Variants in LAMA2 observed in about 807,000 individuals in gnomAD.
The protein encoded by LAMA2 is laminin subunit alpha 2, also known as laminin subunit alpha-2.
A neutral mutation model predicts 364.8 loss-of-function variants in LAMA2; 269 were observed. The ratio of observed to expected loss-of-function variants is 0.74; its 90% CI spans 0.67 to 0.82. LAMA2 has a LOEUF of 0.82. LAMA2 is among the 40% of genes least tolerant of loss of function. The pLI, the probability that LAMA2 is intolerant of heterozygous loss-of-function variation, is 0.00. For missense variants in LAMA2, 3,807 were observed against 3,873.2 expected (o/e 0.98, Z 0.45); for synonymous variants, 1,379 against 1,370.6 (o/e 1.01, Z -0.14).
At chr6:129,311,709 TA>T (rs1583467615) in intron 22 of LAMA2, among the ~76,000 whole-genome samples, 1 of 152,238 alleles carries the variant, frequency 6.6e-6, no homozygotes, top group East Asian at 1.9e-4. Flanking sequence ...ATGAGCTCTG[TA>T]AATCAAGAGC....
intron 1 of LAMA2, among the ~76,000 whole-genome samples, chr6:128,958,092 C>G (rs999969086): frequency 6.6e-6 from 1 of 151,768 alleles, no homozygotes; most frequent in African/African-American, 2.4e-5. Context: ...TAAAATATTG[C>G]ATATTCATAT....
chr6:129,492,004 G>C lies in LAMA2; in HGVS notation c.8002G>C (p.Glu2668Gln), dbSNP rs1784888199. ...KKLFVGGAPP[E>Q]FQPSPLRNIP... is the part of the protein sequence containing the mutation. ...GCTTTTCGTTGGGGGTGCTCCACCT[G>C]AATTTCAACCTTCCCCACTCAGAAA... Residue 2668 changes from glutamate to glutamine, a missense_variant, in exon 57 of 65, where the codon GAA becomes CAA. By Grantham distance (29) the Glu-to-Gln change is conservative. Coordinates refer to ENST00000421865, the MANE Select transcript of LAMA2 (RefSeq NM_000426.4). 6.2e-7 allele frequency: 1 copy of C among 1,613,984 alleles called. No individual in the cohort carries two copies. The highest frequency in any genetic ancestry group is 1.3e-5 in the African/African-American group (1 of 74,926).
intron 15 of LAMA2, among the ~76,000 whole-genome samples, chr6:129,264,951 A>C (rs942876031): frequency 6.6e-6 from 1 of 152,144 alleles, no homozygotes. Flanking sequence ...AAAAACATAG[A>C]TGACTAGAAA....
rs746892823 is a variant in LAMA2, at chr6:129,174,235, TTA to T, written c.1307-3470_1307-3469del. Among the ~76,000 whole-genome samples, 66 of 152,164 alleles carry T rather than the reference TTA, an allele frequency of 4.3e-4. 2 individuals carry two copies. Among genetic ancestry groups the T allele is most frequent in the Non-Finnish European group, 1.0e-4 (7 of 68,008 alleles). ...TTTGTATGATTTCATTTTATAATAC[TTA>T]ATTTTTTATTCCATCTAGAATTTAT... On this transcript the variant is annotated intron_variant, in intron 9 of 64. Transcript: ENST00000421865.
At chr6:129,311,874 G>A (rs1351444295) in intron 22 of LAMA2, among the ~76,000 whole-genome samples, 3 of 152,124 alleles carry the variant, frequency 2.0e-5, no homozygotes, top group Admixed American at 6.5e-5. Context: ...AACTTTTCCT[G>A]TAAAACAGGA....
chr6:128,947,529 G>A lies in LAMA2; in HGVS notation c.112+64172G>A, dbSNP rs140241934. ...TCCATATATGTGAATATAATACATA[G>A]GAAAGAGGTTGGAAGTAATTCAATC... On this transcript the variant is annotated intron_variant, in intron 1 of 64. Transcript: ENST00000421865. Among the ~76,000 whole-genome samples, 1,268 of 152,216 alleles carry A rather than the reference G, an allele frequency of 8.3e-3. 10 individuals are homozygous for A. The highest frequency in any genetic ancestry group is 0.027 in the Middle Eastern group (8 of 294).
Position 129,485,441 on chromosome 6 carries a change from C to T in LAMA2, c.7750-1033C>T, listed in dbSNP as rs373931414. The stretch of plus-strand genomic sequence containing the variant: ...ACTTTATAAAATATCATAGTATATG[C>T]TATCTGAAGGAGGAACCAATGTTAA... On this transcript the variant is annotated intron_variant, in intron 55 of 64. Coordinates refer to ENST00000421865, the MANE Select transcript of LAMA2 (RefSeq NM_000426.4). Among the ~76,000 whole-genome samples the T allele has an allele frequency of 1.1e-4, 17 of 152,068 alleles. 2 individuals carry two copies. The highest frequency in any genetic ancestry group is 6.6e-4 in the Admixed American group (10 of 15,264).
rs955591927 is a variant in LAMA2, at chr6:129,390,325, G to A, written c.5072-1166G>A. Reference sequence around the variant, plus strand: ...TGGTGATGCTGCTGCTGCTTATAGGGGACCACATTTTAGAACCACTGTACT... The same window carrying A: ...TGGTGATGCTGCTGCTGCTTATAGGAGACCACATTTTAGAACCACTGTACT... On this transcript the variant is annotated intron_variant, in intron 35 of 64. Transcript: ENST00000421865. 2.6e-5 allele frequency among the ~76,000 whole-genome samples: 4 copies of A among 151,834 alleles called. No homozygotes were observed. The South Asian group carries it at 6.3e-4, about 24-fold the overall frequency.
In LAMA2 at chr6:129,313,046, AGAGACT is replaced by A. The variant is rs1562447158; in HGVS notation, c.3361_3366del (p.Glu1121_Thr1122del). On this transcript the variant is annotated inframe_deletion, in exon 23 of 65. Coordinates refer to ENST00000421865, the MANE Select transcript of LAMA2 (RefSeq NM_000426.4). ...GGACAGATGCCACAACCTGTGATTC[AGAGACT>A]AAAAAATGCTCCTGTAGTGATCAAA... 3 of 1,613,980 alleles carry A rather than the reference AGAGACT, an allele frequency of 1.9e-6. No individual in the cohort carries two copies. Among genetic ancestry groups the A allele is most frequent in the Non-Finnish European group, 2.5e-6 (3 of 1,179,940 alleles).
intron 12 of LAMA2, among the ~76,000 whole-genome samples, chr6:129,211,617 C>T (rs913601301): frequency 6.6e-6 from 1 of 152,244 alleles, no homozygotes; most frequent in Non-Finnish European, 1.5e-5. Context: ...CTTTTCTTCT[C>T]ACAATGTCCC....
At chr6:128,959,545 C>T (rs1781352935) in intron 1 of LAMA2, among the ~76,000 whole-genome samples, 1 of 152,130 alleles carries the variant, frequency 6.6e-6, no homozygotes, top group African/African-American at 2.4e-5. Context: ...TGTGTTTCCA[C>T]TTCAGGTGCT....
intron 60 of LAMA2, among the ~76,000 whole-genome samples, 180 bp downstream of exon 60, chr6:129,503,460 G>T (rs1190300252): frequency 6.6e-6 from 1 of 152,136 alleles, no homozygotes; most frequent in Non-Finnish European, 1.5e-5. Flanking sequence ...ACCTGTGTAG[G>T]TTTGCATTTG....
chr6:129,497,897 TTCTC>T (rs1336374721), intron 58 of LAMA2, among the ~76,000 whole-genome samples: 1 of 152,238 alleles, frequency 6.6e-6, no homozygotes, highest in African/African-American at 2.4e-5. Context: ...CTCTTTATAC[TTCTC>T]TCTTATTCTT....
intron 41 of LAMA2, among the ~76,000 whole-genome samples, chr6:129,432,992 A>G (rs185749774): frequency 6.6e-6 from 1 of 152,312 alleles, no homozygotes; most frequent in African/African-American, 2.4e-5. Context: ...GGGTTTCTCC[A>G]TAACCTGACT....
In LAMA2 at chr6:129,491,821, G is replaced by A. The variant is rs545222395; in HGVS notation, c.7899-80G>A. 174 of 1,161,054 alleles carry A rather than the reference G, an allele frequency of 1.5e-4. 2 individuals carry two copies. The African/African-American group carries it at 2.4e-3, about 16-fold the overall frequency. 71.9% of individuals were successfully genotyped at this position (1,161,054 alleles called of 1,614,324 possible). A position where few individuals can be genotyped will look rare whatever the true frequency, so the allele number is the denominator to read the frequency against. ...AAAAGCTATGGTTGAGAGGGGTGAA[G>A]GGTGGCAGGAAAGAATTTGATTTCC... On this transcript the variant is annotated intron_variant, in intron 56 of 64. Coordinates refer to ENST00000421865, the MANE Select transcript of LAMA2 (RefSeq NM_000426.4).
chr6:129,300,856 T>C lies in LAMA2; in HGVS notation c.3158T>C (p.Ile1053Thr). 1 of 1,613,822 alleles carries C rather than the reference T, an allele frequency of 6.2e-7. No individual in the cohort carries two copies. Among genetic ancestry groups the C allele is most frequent in the Non-Finnish European group, 8.5e-7 (1 of 1,179,730 alleles). The change falls in exon 22 of 65, where the codon ATT becomes ACT. Residue 1053 changes from isoleucine (I) to threonine (T), a missense_variant. Physicochemically the swap from Ile to Thr is moderately conservative, Grantham distance 89. Around this residue, in one of 3 missense-constraint regions of LAMA2, gnomAD observed 3,333 missense variants for 3,345.7 expected, o/e 1.00. Coordinates refer to ENST00000421865, the MANE Select transcript of LAMA2 (RefSeq NM_000426.4). ...KCAPNTWGHS[I>T]TTGCKACNCS... ...GCACCCAATACCTGGGGCCACAGCATTACCACTGGTTGTAAGGTGAGTGAA... is the reference window on the plus strand; with the variant it reads ...GCACCCAATACCTGGGGCCACAGCACTACCACTGGTTGTAAGGTGAGTGAA...
At chr6:129,294,655 C>T (rs1047981032) in intron 20 of LAMA2, among the ~76,000 whole-genome samples, 2 of 152,268 alleles carry the variant, frequency 1.3e-5, no homozygotes, top group Admixed American at 6.5e-5. Context: ...CAGTCCATTA[C>T]AGAGCACCTC....
At chr6:129,053,226 C>G (rs1788215061) in intron 2 of LAMA2, among the ~76,000 whole-genome samples, 1 of 152,068 alleles carries the variant, frequency 6.6e-6, no homozygotes, top group Non-Finnish European at 1.5e-5. Context: ...CCACCATGCC[C>G]GGCTAATTTT....
chr6:129,228,106 C>T (rs578230711), intron 12 of LAMA2, among the ~76,000 whole-genome samples: 21 of 152,292 alleles, frequency 1.4e-4, no homozygotes, highest in South Asian at 1.0e-3. Flanking sequence ...AACAAGGCTC[C>T]GTAGGCATGG....
Sources: gnomAD v4.1 joint callset for allele counts (sites outside exome capture counted in the v4.1 genomes callset) on GRCh38, gnomAD v4.1.1 for gene constraint, gnomAD v4.1.1 regional missense constraint, MANE v1.5 for transcripts, NCBI Gene and HGNC (gene_info 2026-07-23, HGNC 2026-07-21) for gene names.